The following DMD variants were observed in gnomAD, a reference collection of about 807,000 sequenced individuals.
DMD encodes dystrophin.
A neutral mutation model predicts 330.1 loss-of-function variants in DMD; 63 were observed. The ratio of observed to expected loss-of-function variants is 0.19; its 90% confidence interval spans 0.16 to 0.24. The LOEUF (loss-of-function observed/expected upper bound fraction) is 0.24. Among genes scored for constraint, DMD ranks in the 10% least tolerant of loss-of-function variants. The probability of loss-of-function intolerance (pLI) is 1.00; values close to 1 mark genes in which losing one functional copy is unlikely to be tolerated. For synonymous variants in DMD, 1,223 were observed against 959.8 expected (o/e 1.27, Z -5.07); for missense variants, 3,344 against 2,684.1 (o/e 1.25, Z -5.43).
At chrX:32,913,821 A>T (rs1167003528) in intron 2 of DMD, among the ~76,000 whole-genome samples, 1 of 112,366 alleles carries the variant, frequency 8.9e-6, no homozygotes, top group Admixed American at 9.5e-5. Context: ...CAGGAACCAG[A>T]GACATATTCC....
rs768241292 is a variant in DMD, at chrX:32,999,135, T to C, written c.93+21004A>G. ...AATCAGTCACTTCAGAGGAAACAAA[T>C]TGATCGCGATAGCAGTAGGGAAAAT... is the stretch of plus-strand genomic sequence containing the variant. On this transcript the variant is annotated intron_variant, in intron 2 of 78. Transcript: ENST00000357033. Among the ~76,000 whole-genome samples the C allele has an allele frequency of 1.2e-4, 13 of 112,181 alleles. No individual in the cohort carries two copies. In the South Asian group the frequency reaches 4.8e-3, roughly 41 times the overall value.
chrX:32,787,215 T>C (rs963261125), intron 7 of DMD, among the ~76,000 whole-genome samples: 2 of 29,495 alleles, frequency 6.8e-5, no homozygotes, highest in Non-Finnish European at 9.7e-5. Context: ...CTCTGTCAAG[T>C]GTGTGTGTGT....
chrX:32,251,547 A>C (rs780018434), intron 43 of DMD, among the ~76,000 whole-genome samples: 2 of 111,877 alleles, frequency 1.8e-5, no homozygotes, highest in East Asian at 5.7e-4. Flanking sequence ...TAACATAAGT[A>C]TCAAAGACAT....
intron 55 of DMD, among the ~76,000 whole-genome samples, chrX:31,568,998 G>A (rs1038086371): frequency 1.8e-5 from 2 of 111,317 alleles, no homozygotes; most frequent in South Asian, 7.4e-4. Context: ...ATTGACTTCA[G>A]GTGACGTGTA....
intron 55 of DMD, among the ~76,000 whole-genome samples, chrX:31,557,566 C>G (rs966274238): frequency 2.7e-5 from 3 of 112,223 alleles, no homozygotes; most frequent in African/African-American, 9.7e-5. Context: ...AGGGTTTTAT[C>G]ATTTTCATCC....
chrX:32,692,524 C>A (rs2063351954), intron 9 of DMD, among the ~76,000 whole-genome samples: 1 of 111,590 alleles, frequency 9.0e-6, no homozygotes, highest in Admixed American at 9.5e-5. Context: ...AGTGAAAAAT[C>A]TCCTCTGCCT....
intron 16 of DMD, among the ~76,000 whole-genome samples, chrX:32,548,337 G>C (rs2049179491): frequency 1.8e-5 from 2 of 111,561 alleles, no homozygotes; most frequent in African/African-American, 6.5e-5. Flanking sequence ...CAGTAATCAA[G>C]TAATTTTCTC....
chrX:32,777,284 G>GGGGGGGGGGGGGGGGGGGGGGA (rs1478457391), intron 7 of DMD, among the ~76,000 whole-genome samples: 1 of 58,478 alleles, frequency 1.7e-5, no homozygotes, highest in Non-Finnish European at 3.2e-5. Flanking sequence ...GGTTGGGGGG[G>GGGGGGGGGGGGGGGGGGGGGGA]GAATCCTACC....
chrX:31,752,426 A>C (rs1465871815), intron 51 of DMD, among the ~76,000 whole-genome samples: 11 of 110,912 alleles, frequency 9.9e-5, no homozygotes, highest in Admixed American at 9.6e-4. Context: ...GCAAACAAAA[A>C]ACAACCAGTC....
rs188363303 is a variant in DMD, at chrX:32,825,574, T to A, written c.265-2187A>T. On this transcript the variant is annotated intron_variant, in intron 4 of 78. Transcript: ENST00000357033. ...GAGATTAAGATATTGGTAGACCAATTATCATAGTAACATTATTCACAATAG... is the reference window on the plus strand; with the variant it reads ...GAGATTAAGATATTGGTAGACCAATAATCATAGTAACATTATTCACAATAG... Among the ~76,000 whole-genome samples, 24 of 112,235 alleles carry A rather than the reference T, an allele frequency of 2.1e-4. No homozygotes were observed. In the East Asian group the frequency reaches 6.2e-3, roughly 29 times the overall value.
At chrX:31,169,672 G>T in intron 73 of DMD, 71 bp from the exon 74 acceptor site, 1 of 974,118 alleles carries the variant, frequency 1.0e-6, no homozygotes, top group Non-Finnish European at 1.4e-6. Flanking sequence ...GGACTCAGGA[G>T]TGTATTTGAA....
intron 1 of DMD, among the ~76,000 whole-genome samples, chrX:33,254,828 G>A (rs1028047723): frequency 1.8e-5 from 2 of 110,299 alleles, no homozygotes; most frequent in African/African-American, 6.5e-5. Flanking sequence ...ATTGCAAAAT[G>A]TGATGGTCTA....
At chrX:32,173,887 G>A (rs1390280784) in intron 44 of DMD, among the ~76,000 whole-genome samples, 5 of 111,492 alleles carry the variant, frequency 4.5e-5, no homozygotes, top group Admixed American at 2.9e-4. Context: ...AAGAGGCTAT[G>A]TGTGAATAAG....
intron 52 of DMD, among the ~76,000 whole-genome samples, chrX:31,721,133 A>T (rs73210145): frequency 0.051 from 5,619 of 111,224 alleles, 334 homozygotes; most frequent in Admixed American, 0.26. Context: ...ATTTCCAGGT[A>T]CCTTATTAAC....
intron 52 of DMD, among the ~76,000 whole-genome samples, chrX:31,721,716 CTCTATATATATA>C (rs1245645331): frequency 1.1e-4 from 6 of 53,427 alleles, no homozygotes; most frequent in Non-Finnish European, 1.9e-4. Context: ...CTCTCTCTCT[CTCTATATATATA>C]TATATATATA....
chrX:33,175,643 G>A (rs2049606449), intron 1 of DMD, among the ~76,000 whole-genome samples: 1 of 111,864 alleles, frequency 8.9e-6, no homozygotes. Flanking sequence ...ATTGACTACA[G>A]AGTCAGACAC....
chrX:31,281,854 T>TTTAA (rs1157072115), intron 62 of DMD, among the ~76,000 whole-genome samples: 2 of 112,271 alleles, frequency 1.8e-5, no homozygotes, highest in East Asian at 5.6e-4. Context: ...CAGATTTGTG[T>TTTAA]CATTTTAAAA....
At chrX:33,118,905 T>G (rs2148475619) in intron 1 of DMD, among the ~76,000 whole-genome samples, 1 of 112,184 alleles carries the variant, frequency 8.9e-6, no homozygotes, top group South Asian at 3.7e-4. Flanking sequence ...CTCAGCATGC[T>G]TCTTCACCAC....
At chrX:32,700,473 G>T (rs561370626) in intron 7 of DMD, among the ~76,000 whole-genome samples, 2 of 111,041 alleles carry the variant, frequency 1.8e-5, no homozygotes, top group South Asian at 7.4e-4. Context: ...GGAAAAATAA[G>T]TTCAGGAGAT....
Sources: gnomAD v4.1 joint callset for allele counts (sites outside exome capture counted in the v4.1 genomes callset) on GRCh38, gnomAD v4.1.1 for gene constraint, MANE v1.5 for transcripts, NCBI Gene and HGNC (gene_info 2026-07-23, HGNC 2026-07-21) for gene names.